Variants in CELA2B observed in about 807,000 individuals in gnomAD.
CELA2B encodes chymotrypsin-like elastase family member 2B.
A neutral mutation model predicts 36.5 loss-of-function variants in CELA2B; 27 were observed. That is an observed-to-expected ratio of 0.74 (90% CI 0.55 to 1.02). CELA2B has a LOEUF of 1.02. Ranked by LOEUF, CELA2B falls within the 50% of genes least tolerant of loss-of-function variation. The probability of loss-of-function intolerance (pLI) is 0.00; values close to 1 mark genes in which losing one functional copy is unlikely to be tolerated. For missense variants in CELA2B, 340 were observed against 347.8 expected, an observed-to-expected ratio of 0.98 and a Z score of 0.18; for synonymous variants, 143 against 148.5, an observed-to-expected ratio of 0.96 and a Z score of 0.27.
intron 6 of CELA2B, 47 bp from the exon 7 acceptor site, chr1:15,487,238 A>T: frequency 6.5e-7 from 1 of 1,547,254 alleles, no homozygotes; most frequent in Non-Finnish European, 8.9e-7. Context: ...TCCAATGGGC[A>T]GCCCCTTCCT....
chr1:15,485,960 ACCTGCT>A lies in CELA2B; in HGVS notation c.556_561del (p.Cys186_Ser187del). On this transcript the variant is annotated inframe_deletion, in exon 6 of 8. Transcript: ENST00000375910. The stretch of plus-strand genomic sequence containing the variant: ...CCAGTTGCTGGTTGTGGACTATGCC[ACCTGCT>A]CCAGCTCTGGCTGGTGGGGCAGCAC... 6.2e-7 allele frequency: 1 copy of A among 1,614,162 alleles called. No individual in the cohort carries two copies. Among genetic ancestry groups the A allele is most frequent in the East Asian group, 2.2e-5 (1 of 44,876 alleles).
chr1:15,486,062 C>G lies in CELA2B; in HGVS notation c.639+16C>G, dbSNP rs2103314861. On this transcript the variant is annotated intron_variant, in intron 6 of 7. Coordinates refer to ENST00000375910, the MANE Select transcript of CELA2B (RefSeq NM_015849.3). ...CACCTGCAACGTGAGTACCAAAAATCAGGGGCCCCGCTCCATGACAAAATG... is the reference window on the plus strand; with the variant it reads ...CACCTGCAACGTGAGTACCAAAAATGAGGGGCCCCGCTCCATGACAAAATG... The G allele has an allele frequency of 6.2e-7, 1 of 1,609,854 alleles. No individual in the cohort carries two copies. The highest frequency in any genetic ancestry group is 8.5e-7 in the Non-Finnish European group (1 of 1,176,620).
At chr1:15,490,220 ATATCTATCTATCTATCTATC>A (rs3060903) in intron 7 of CELA2B, among the ~76,000 whole-genome samples, 5 of 148,626 alleles carry the variant, frequency 3.4e-5, no homozygotes, top group South Asian at 4.3e-4. Flanking sequence ...CTTTATGTGC[ATATCTATCTATCTATCTATC>A]TATCTATCTA....
At chr1:15,490,140 C>T (rs1410956386) in intron 7 of CELA2B, among the ~76,000 whole-genome samples, 1 of 152,210 alleles carries the variant, frequency 6.6e-6, no homozygotes, top group Non-Finnish European at 1.5e-5. Flanking sequence ...TCCCAATGTG[C>T]TGGGATTACA....
intron 6 of CELA2B, among the ~76,000 whole-genome samples, 189 bp downstream of exon 6, chr1:15,486,235 C>T (rs1708803036): frequency 6.6e-6 from 1 of 152,154 alleles, no homozygotes; most frequent in Non-Finnish European, 1.5e-5. Flanking sequence ...AATCCCAGCA[C>T]TTTGGGAGGC....
intron 7 of CELA2B, 77 bp from the exon 8 acceptor site, chr1:15,491,218 G>A (rs1038144282): frequency 2.5e-6 from 4 of 1,578,410 alleles, no homozygotes; most frequent in African/African-American, 2.7e-5. Context: ...AGCCCAGGAG[G>A]ACAGAGACAG....
chr1:15,485,178 A>G (rs1256377301), intron 5 of CELA2B, among the ~76,000 whole-genome samples: 1 of 152,188 alleles, frequency 6.6e-6, no homozygotes, highest in Non-Finnish European at 1.5e-5. Context: ...TTACAGGGTG[A>G]GCTACCATGC....
At chr1:15,487,235 G>T in intron 6 of CELA2B, 50 bp from the exon 7 acceptor site, 7 of 1,536,900 alleles carry the variant, frequency 4.6e-6, no homozygotes, top group Non-Finnish European at 6.3e-6. Flanking sequence ...GGTTCCAATG[G>T]GCAGCCCCTT....
intron 2 of CELA2B, among the ~76,000 whole-genome samples, chr1:15,479,238 A>C (rs574297091): frequency 4.1e-4 from 62 of 152,308 alleles, no homozygotes; most frequent in African/African-American, 1.4e-3. Context: ...AGAAATGCCC[A>C]GTGGCTAATT....
At position 15,485,980 on chromosome 1, in the gene CELA2B, G is replaced by A. The variant is rs2103314782; in HGVS notation, c.573G>A (p.Trp191Ter). ...ATGCCACCTGCTCCAGCTCTGGCTG[G>A]TGGGGCAGCACCGTGAAGACGAATA... ...VDYATCSSSG[W>*]WGSTVKTNMI... is the part of the protein sequence containing the mutation. Residue 191 changes from tryptophan to a stop codon, truncating the protein, a stop_gained, in exon 6 of 8, where the codon TGG becomes TGA. Transcript: ENST00000375910. LOFTEE classifies it high-confidence loss of function. 1 of 1,614,246 alleles carries A rather than the reference G, an allele frequency of 6.2e-7. No individual in the cohort carries two copies. Among genetic ancestry groups the A allele is most frequent in the South Asian group, 1.1e-5 (1 of 91,082 alleles).
chr1:15,485,498 A>T (rs1416634621), intron 5 of CELA2B, among the ~76,000 whole-genome samples: 1 of 152,260 alleles, frequency 6.6e-6, no homozygotes, highest in East Asian at 1.9e-4. Flanking sequence ...AAGAGACTAG[A>T]ATCAGGGGCT....
chr1:15,491,047 C>G (rs1243471122), intron 7 of CELA2B: 21 of 530,746 alleles, frequency 4.0e-5, no homozygotes, highest in Non-Finnish European at 7.2e-5. Context: ...GCCCCCTGAC[C>G]TGAAGCCCAC....
intron 2 of CELA2B, among the ~76,000 whole-genome samples, chr1:15,479,822 C>T (rs1301346195): frequency 1.3e-5 from 2 of 152,086 alleles, no homozygotes; most frequent in African/African-American, 4.8e-5. Context: ...CAAGAATATT[C>T]CAGGGAGGAG....
At chr1:15,476,680 TCAC>T (rs1328372697) in intron 2 of CELA2B, 135 bp downstream of exon 2, 1 of 832,544 alleles carries the variant, frequency 1.2e-6, no homozygotes. Context: ...ACAGGAAACT[TCAC>T]CAACAAGATA....
chr1:15,483,935 A>C (rs1249338620), intron 5 of CELA2B, among the ~76,000 whole-genome samples: 8 of 152,090 alleles, frequency 5.3e-5, no homozygotes, highest in Non-Finnish European at 8.8e-5. Context: ...TCTCCAAAAA[A>C]AAAAAAGGCA....
intron 1 of CELA2B, 100 bp from the exon 2 acceptor site, chr1:15,476,357 G>T: frequency 2.1e-6 from 3 of 1,437,644 alleles, no homozygotes; most frequent in Non-Finnish European, 2.9e-6. Context: ...GATCCTTCTA[G>T]AACAAGGGTT....
chr1:15,483,731 C>T lies in CELA2B; in HGVS notation c.493+331C>T, dbSNP rs567477302. Among the ~76,000 whole-genome samples, 5 of 152,288 alleles carry T rather than the reference C, an allele frequency of 3.3e-5. No homozygotes were observed. The South Asian group carries it at 1.0e-3, about 32-fold the overall frequency. On this transcript the variant is annotated intron_variant, in intron 5 of 7. Coordinates refer to ENST00000375910, the MANE Select transcript of CELA2B (RefSeq NM_015849.3). Reference sequence around the variant, plus strand: ...TCACTTGAGGTCATGAGTTTGAGAGCAGCCTGGCCAACATGGTGAAACCCC... The same window carrying T: ...TCACTTGAGGTCATGAGTTTGAGAGTAGCCTGGCCAACATGGTGAAACCCC...
At chr1:15,476,380 G>A (rs1708670303) in intron 1 of CELA2B, 77 bp from the exon 2 acceptor site, 1 of 1,490,488 alleles carries the variant, frequency 6.7e-7, no homozygotes, top group South Asian at 1.1e-5. Flanking sequence ...CTATTTGGGG[G>A]TTCAGAATGC....
At chr1:15,485,819 G>A in intron 5 of CELA2B, 82 bp from the exon 6 acceptor site, 1 of 1,526,524 alleles carries the variant, frequency 6.6e-7, no homozygotes, top group Non-Finnish European at 9.0e-7. Context: ...GATGGTAACA[G>A]GGGAAATCCA....
Sources: allele counts gnomAD v4.1 joint callset (sites outside exome capture counted in the v4.1 genomes callset), GRCh38; gene constraint gnomAD v4.1.1; transcripts MANE v1.5; gene names NCBI Gene and HGNC (gene_info 2026-07-23, HGNC 2026-07-21).